The following RUSC2 variants were observed in gnomAD, a reference collection of about 807,000 sequenced individuals.
RUSC2 encodes the protein RUN and SH3 domain containing 2.
In RUSC2, 34 loss-of-function variants were observed where a neutral mutation model predicts 122.2. The ratio of observed to expected loss-of-function variants is 0.28; its 90% CI spans 0.21 to 0.37. RUSC2 has a LOEUF of 0.37. Ranked by LOEUF, RUSC2 falls within the 10% of genes least tolerant of loss-of-function variation. RUSC2 has a pLI of 1.00. For missense variants in RUSC2, 1,747 were observed against 1,952.4 expected (o/e 0.89, Z 1.98); for synonymous variants, 784 against 790.0 (o/e 0.99, Z 0.13).
intron 1 of RUSC2, among the ~76,000 whole-genome samples, chr9:35,530,151 C>T (rs540015564): frequency 3.9e-5 from 6 of 152,264 alleles, no homozygotes; most frequent in African/African-American, 1.4e-4. Context: ...GGGGTTTCAC[C>T]ATGTTGCCGA....
At chr9:35,556,479 C>T (rs1822022726) in intron 5 of RUSC2, 31 bp downstream of exon 5, 1 of 1,606,148 alleles carries the variant, frequency 6.2e-7, no homozygotes, top group Admixed American at 1.7e-5. Context: ...AGGCCAGGGA[C>T]TCTGCTGTCA....
At chr9:35,513,903 CATAT>C (rs3068511) in intron 1 of RUSC2, among the ~76,000 whole-genome samples, 15,411 of 103,970 alleles carry the variant, frequency 0.15, 1,008 homozygotes, top group African/African-American at 0.2. Flanking sequence ...CTTCAACAAA[CATAT>C]ATATATATAT....
intron 1 of RUSC2, among the ~76,000 whole-genome samples, chr9:35,495,599 A>G (rs1219872504): frequency 6.6e-6 from 1 of 152,072 alleles, no homozygotes; most frequent in African/African-American, 2.4e-5. Flanking sequence ...AAAATCAAGA[A>G]TGTAAGTCCT....
chr9:35,555,948 C>G lies in RUSC2; in HGVS notation c.2657-4C>G, dbSNP rs755496083. The G allele has an allele frequency of 6.2e-7, 1 of 1,613,448 alleles. No homozygotes were observed. Among genetic ancestry groups the G allele is most frequent in the Non-Finnish European group, 8.5e-7 (1 of 1,179,638 alleles). ...GTCTTTCTGCTAATCTGTTCTGCTT[C>G]CAGCCAACCACCTATCCCCTCAAGC... is the stretch of plus-strand genomic sequence containing the variant. On this transcript the variant is annotated splice_region_variant and splice_polypyrimidine_tract_variant and intron_variant, in intron 3 of 11. Transcript: ENST00000361226. The surrounding 1 kb of genome is among the most constrained non-coding windows in gnomAD (Gnocchi z 4.6).
chr9:35,499,496 G>A (rs1820783868), intron 1 of RUSC2, among the ~76,000 whole-genome samples: 1 of 152,172 alleles, frequency 6.6e-6, no homozygotes, highest in Admixed American at 6.5e-5. Context: ...TCTGAGGTAT[G>A]TGTTGTATTT....
Position 35,561,487 on chromosome 9 carries a change from TG to T in RUSC2, c.*109del. The T allele has an allele frequency of 1.1e-6, 1 of 902,226 alleles. No homozygotes were observed. The highest frequency in any genetic ancestry group is 1.7e-6 in the Non-Finnish European group (1 of 586,204). 55.9% of individuals were successfully genotyped at this position (902,226 alleles called of 1,614,324 possible). ...CTTGGCTGCAGAGTAGACTGAGAGC[TG>T]GGGCCACGTATCCCTGTGCTGGCAC... On this transcript the variant is annotated 3_prime_UTR_variant, in exon 12 of 12. Coordinates refer to ENST00000361226, the MANE Select transcript of RUSC2 (RefSeq NM_014806.5).
At chr9:35,508,748 A>G (rs1378210048) in intron 1 of RUSC2, among the ~76,000 whole-genome samples, 1 of 152,202 alleles carries the variant, frequency 6.6e-6, no homozygotes, top group East Asian at 1.9e-4. Context: ...AAATCAACCT[A>G]TAGCGAAATT....
chr9:35,512,016 TA>T (rs1564247392), intron 1 of RUSC2, among the ~76,000 whole-genome samples: 2 of 151,938 alleles, frequency 1.3e-5, no homozygotes, highest in Non-Finnish European at 2.9e-5. Flanking sequence ...CCGTCTCTAC[TA>T]AAAAATACAA....
Position 35,560,172 on chromosome 9 carries a change from C to G in RUSC2, c.3532C>G (p.Leu1178Val), listed in dbSNP as rs773401036. The change falls in exon 10 of 12, where the codon CTG becomes GTG. Residue 1178 changes from leucine (L) to valine (V), a missense_variant. Coordinates refer to ENST00000361226, the MANE Select transcript of RUSC2 (RefSeq NM_014806.5). Reference sequence around the variant, plus strand: ...CCTCGACTTGCTGTTCCAGCACCGGCTGCTGCAAAGTGGGCAGCAGCAGCG... The same window carrying G: ...CCTCGACTTGCTGTTCCAGCACCGGGTGCTGCAAAGTGGGCAGCAGCAGCG... ...FSLDLLFQHR[L>V]LQSGQQQRQH... 10 of 1,607,466 alleles carry G rather than the reference C, an allele frequency of 6.2e-6. No individual in the cohort carries two copies. The highest frequency in any genetic ancestry group is 1.6e-4 in the Middle Eastern group (1 of 6,062).
At position 35,558,154 on chromosome 9, in the gene RUSC2, C is replaced by T. The variant is rs763786343; in HGVS notation, c.3061-43C>T. 2 of 1,601,916 alleles carry T rather than the reference C, an allele frequency of 1.2e-6. No individual in the cohort carries two copies. The highest frequency in any genetic ancestry group is 1.7e-6 in the Non-Finnish European group (2 of 1,174,188). ...GGGCCTGCTACGAGAGGACCACAGT[C>T]AGGCCTGAGGGGGTTTCCTGCACTT... On this transcript the variant is annotated intron_variant, in intron 6 of 11. Transcript: ENST00000361226. The surrounding 1 kb of genome is among the most constrained non-coding windows in gnomAD (Gnocchi z 4.3).
At chr9:35,494,755 A>G (rs1820642713) in intron 1 of RUSC2, among the ~76,000 whole-genome samples, 1 of 151,254 alleles carries the variant, frequency 6.6e-6, no homozygotes, top group Non-Finnish European at 1.5e-5. Context: ...TCACTCTGTT[A>G]AAAGTGTCCT....
At chr9:35,501,298 C>T (rs912809702) in intron 1 of RUSC2, among the ~76,000 whole-genome samples, 11 of 152,144 alleles carry the variant, frequency 7.2e-5, no homozygotes, top group Non-Finnish European at 1.5e-4. Flanking sequence ...TGATACAGGC[C>T]GGGTGCAGTG....
chr9:35,539,575 G>A (rs34351024), intron 1 of RUSC2, among the ~76,000 whole-genome samples: 1 of 45,354 alleles, frequency 2.2e-5, no homozygotes, highest in South Asian at 4.5e-4. Flanking sequence ...ATACATACAT[G>A]CATGCATGCA....
intron 1 of RUSC2, among the ~76,000 whole-genome samples, chr9:35,503,155 C>T (rs989476803): frequency 1.3e-5 from 2 of 152,188 alleles, no homozygotes; most frequent in Non-Finnish European, 2.9e-5. Context: ...AGCCACCGCA[C>T]CCAGCCAGAT....
At position 35,513,903 on chromosome 9, in the gene RUSC2, CATATATATATATATAT is replaced by C. The variant is rs3068511; in HGVS notation, c.-93+23752_-93+23767del. 1.8e-3 allele frequency among the ~76,000 whole-genome samples: 188 copies of C among 104,218 alleles called. 1 individual carries two copies. The highest frequency in any genetic ancestry group is 6.1e-3 in the African/African-American group (165 of 26,896). 68.4% of individuals were successfully genotyped at this position (104,218 alleles called of 152,430 possible). On this transcript the variant is annotated intron_variant, in intron 1 of 11. Coordinates refer to ENST00000361226, the MANE Select transcript of RUSC2 (RefSeq NM_014806.5). ...CTTTTGTAAATAGTGCTTCAACAAA[CATATATATATATATAT>C]ATATATATATATATATATATTACTT...
chr9:35,539,803 T>C (rs756376365), intron 1 of RUSC2, among the ~76,000 whole-genome samples: 3 of 152,082 alleles, frequency 2.0e-5, no homozygotes, highest in Non-Finnish European at 4.4e-5. Flanking sequence ...CTCCCAAATC[T>C]ACCCTCCTGC....
intron 2 of RUSC2, among the ~76,000 whole-genome samples, chr9:35,550,514 G>A (rs920448421): frequency 5.3e-5 from 8 of 151,268 alleles, no homozygotes; most frequent in African/African-American, 1.9e-4. Flanking sequence ...TAATCCCAGC[G>A]ACATGGAAGG....
rs776479030 is a variant in RUSC2, at chr9:35,560,541, G to C, written c.3901G>C (p.Glu1301Gln). The C allele has an allele frequency of 3.1e-6, 5 of 1,614,044 alleles. No individual in the cohort carries two copies. The highest frequency in any genetic ancestry group is 1.3e-5 in the African/African-American group (1 of 74,934). The change falls in exon 10 of 12, where the codon GAG (glutamate) becomes CAG (glutamine). Residue 1301 changes from glutamate (E) to glutamine (Q), a missense_variant. By Grantham distance (29) the Glu-to-Gln change is conservative. Coordinates refer to ENST00000361226, the MANE Select transcript of RUSC2 (RefSeq NM_014806.5). ...TCGTGGTAGCAGCAACAGCAGCAGC[G>C]AGAAAAAGAAAGGGGCAGGAGGTGG... ...FPRGSSNSSS[E>Q]KKKGAGGGGP... is the part of the protein sequence containing the mutation.
chr9:35,528,568 G>A (rs552310331), intron 1 of RUSC2, among the ~76,000 whole-genome samples: 2 of 150,884 alleles, frequency 1.3e-5, no homozygotes, highest in South Asian at 2.1e-4. Flanking sequence ...GTGCAGTGAC[G>A]CTATCATAGC....
Sources: gnomAD v4.1 joint callset for allele counts (sites outside exome capture counted in the v4.1 genomes callset) on GRCh38, gnomAD v4.1.1 for gene constraint, Gnocchi (gnomAD v3.1) non-coding constraint, MANE v1.5 for transcripts, NCBI Gene and HGNC (gene_info 2026-07-23, HGNC 2026-07-21) for gene names.